Variants in SPRR2B observed in about 807,000 individuals in gnomAD.
The protein encoded by SPRR2B is small proline rich protein 2B.
Under a neutral mutation model 1.0 loss-of-function variants are expected in SPRR2B, and 1 was observed. The ratio of observed to expected loss-of-function variants is 1.01; its 90% confidence interval spans 0.36 to 4.77. The LOEUF (loss-of-function observed/expected upper bound fraction) is 4.77, where lower values mean the gene tolerates loss of function less well. Among genes scored for constraint, SPRR2B ranks in the 30% most tolerant of loss-of-function variants. SPRR2B has a pLI of 0.16. For missense variants in SPRR2B, 53 were observed against 88.7 expected (o/e 0.60, Z 1.62); for synonymous variants, 27 against 33.4 (o/e 0.81, Z 0.66).
upstream of SPRR2B, among the ~76,000 whole-genome samples, chr1:153,075,073 C>T (rs559079351): frequency 3.3e-5 from 5 of 152,156 alleles, no homozygotes; most frequent in Non-Finnish European, 5.9e-5. Context: ...AGGCCGGGAA[C>T]GGTGGCTCAT....
At chr1:153,074,626 T>A (rs932316131), upstream of SPRR2B, among the ~76,000 whole-genome samples, 3 of 152,234 alleles carry the variant, frequency 2.0e-5, no homozygotes, top group Admixed American at 2.0e-4. Flanking sequence ...CATGACATGA[T>A]TCTCATCAAC....
upstream of SPRR2B, among the ~76,000 whole-genome samples, chr1:153,073,068 T>C (rs1428877273): frequency 6.6e-6 from 1 of 152,248 alleles, no homozygotes; most frequent in Non-Finnish European, 1.5e-5. Flanking sequence ...GCAAGAGCGC[T>C]GAATCAACCC....
chr1:153,076,869 A>G, the SPRR2B span, among the ~76,000 whole-genome samples: 1 of 152,256 alleles, frequency 6.6e-6, no homozygotes, highest in South Asian at 2.1e-4. Context: ...CCACACAATT[A>G]TAACATGGAA....
chr1:153,078,200 A>G, the SPRR2B span, among the ~76,000 whole-genome samples: 1 of 152,184 alleles, frequency 6.6e-6, no homozygotes, highest in Non-Finnish European at 1.5e-5. Context: ...TAAAGACACA[A>G]AGGAGGTGAA....
At chr1:153,079,337 T>C in the SPRR2B span, among the ~76,000 whole-genome samples, 4 of 152,198 alleles carry the variant, frequency 2.6e-5, no homozygotes, top group African/African-American at 9.7e-5. Flanking sequence ...TGATGGTAGA[T>C]TCTTTTGCTG....
chr1:153,073,334 A>G (rs1234595254), upstream of SPRR2B, among the ~76,000 whole-genome samples: 1 of 152,224 alleles, frequency 6.6e-6, no homozygotes, highest in South Asian at 2.1e-4. Flanking sequence ...TCACATCTAC[A>G]ACACAAATCC....
rs377117938 is a variant in SPRR2B at position 153,070,760 on chromosome 1, C to A, written c.80G>T (p.Cys27Phe). 1.2e-5 allele frequency: 20 copies of A among 1,604,868 alleles called. No homozygotes were observed. The highest frequency in any genetic ancestry group is 1.4e-5 in the Non-Finnish European group (17 of 1,176,188). ...VCPTPKCPEP[C>F]PPPKCPEPCP... ...GGGCTCAGGGCACTTCGGGGGTGGA[C>A]ATGGCTCTGGGCACTTTGGCGTGGG... The change falls in exon 2 of 2, where the codon TGT becomes TTT. Residue 27 changes from cysteine to phenylalanine, a missense_variant. Cys to Phe is a radical substitution (Grantham distance 205). Coordinates refer to ENST00000368755, the MANE Select transcript of SPRR2B (RefSeq NM_001388198.1).
rs930318298 is a variant in SPRR2B at position 153,070,519 on chromosome 1, T to A, written c.*102A>T. ...AGGCTAAGGGGAAAGAAGCTCCCTA[T>A]GAATCCATGATAAGCTTTGATGAGA... On this transcript the variant is annotated 3_prime_UTR_variant, in exon 2 of 2. Transcript: ENST00000368755. 6.5e-7 allele frequency: 1 copy of A among 1,536,910 alleles called. No homozygotes were observed. Among genetic ancestry groups the A allele is most frequent in the African/African-American group, 1.4e-5 (1 of 72,804 alleles).
upstream of SPRR2B, among the ~76,000 whole-genome samples, chr1:153,072,882 A>G (rs900395503): frequency 2.0e-5 from 3 of 152,234 alleles, no homozygotes; most frequent in Non-Finnish European, 2.9e-5. Context: ...AGCATCATAT[A>G]TTAAACACTT....
At chr1:153,085,594 T>A in the SPRR2B span, among the ~76,000 whole-genome samples, 4 of 152,218 alleles carry the variant, frequency 2.6e-5, no homozygotes, top group Non-Finnish European at 5.9e-5. Context: ...TGTAACCAAC[T>A]TGAAATGTAT....
At chr1:153,071,981 C>A (rs761545013), upstream of SPRR2B, among the ~76,000 whole-genome samples, 5 of 152,188 alleles carry the variant, frequency 3.3e-5, no homozygotes, top group Non-Finnish European at 7.3e-5. Context: ...CTTCTTTCCT[C>A]GTACAATTTG....
At chr1:153,079,797 A>G in the SPRR2B span, among the ~76,000 whole-genome samples, 1,700 of 151,966 alleles carry the variant, frequency 0.011, 26 homozygotes, top group African/African-American at 0.038. Flanking sequence ...GTCAGGTAGC[A>G]TGATGCCTCC....
the SPRR2B span, among the ~76,000 whole-genome samples, chr1:153,081,825 CTTTTTTT>C: frequency 1.5e-5 from 2 of 137,002 alleles, no homozygotes; most frequent in Non-Finnish European, 3.2e-5. Context: ...CTTTTCTTTT[CTTTTTTT>C]TTTTTTTTTT....
intron 1 of SPRR2B, 81 bp from the exon 2 acceptor site, chr1:153,070,939 T>C (rs1654652724): frequency 8.3e-7 from 1 of 1,199,490 alleles, no homozygotes; most frequent in Non-Finnish European, 1.2e-6. Context: ...TACCATGGCA[T>C]ATTATTTCTC....
the SPRR2B span, among the ~76,000 whole-genome samples, chr1:153,081,714 A>G: frequency 9.6e-3 from 1,465 of 152,348 alleles, 33 homozygotes; most frequent in African/African-American, 0.034. Context: ...TGAACACAAT[A>G]TAATTACAAA....
At chr1:153,087,507 G>C in the SPRR2B span, among the ~76,000 whole-genome samples, 4 of 151,986 alleles carry the variant, frequency 2.6e-5, no homozygotes, top group South Asian at 6.2e-4. Flanking sequence ...CTACTAGTTA[G>C]ACTAATAAAG....
At chr1:153,075,346 AAAAT>A (rs1037448178), upstream of SPRR2B, among the ~76,000 whole-genome samples, 1 of 152,120 alleles carries the variant, frequency 6.6e-6, no homozygotes, top group Non-Finnish European at 1.5e-5. Context: ...TATCTCAAAA[AAAAT>A]AAATAAATAA....
chr1:153,082,747 AT>A, the SPRR2B span, among the ~76,000 whole-genome samples: 1 of 151,322 alleles, frequency 6.6e-6, no homozygotes, highest in Non-Finnish European at 1.5e-5. Context: ...AACCACATAC[AT>A]TTTTAATGAA....
upstream of SPRR2B, among the ~76,000 whole-genome samples, chr1:153,071,618 G>GTA (rs1654668812): frequency 6.6e-6 from 1 of 152,108 alleles, no homozygotes; most frequent in South Asian, 2.1e-4. Context: ...TTTAGGAGTT[G>GTA]GGCAGCAGAG....
Sources: allele counts gnomAD v4.1 joint callset (sites outside exome capture counted in the v4.1 genomes callset), GRCh38; gene constraint gnomAD v4.1.1; transcripts MANE v1.5; gene names NCBI Gene and HGNC (gene_info 2026-07-23, HGNC 2026-07-21).